CSMD3: variants seen among roughly 807,000 people sequenced by gnomAD.
CSMD3 encodes CUB and sushi domain-containing protein 3.
A neutral mutation model predicts 435.2 loss-of-function variants in CSMD3; 177 were observed. The ratio of observed to expected loss-of-function variants is 0.41; its 90% CI spans 0.36 to 0.46. CSMD3 has a LOEUF of 0.46. CSMD3 is among the 20% of genes least tolerant of loss of function. The pLI is 0.34. For synonymous variants in CSMD3, 1,656 were observed against 1,520.5 expected (o/e 1.09, Z -2.07); for missense variants, 4,265 against 4,504.6 (o/e 0.95, Z 1.52).
intron 13 of CSMD3, among the ~76,000 whole-genome samples, chr8:112,748,207 A>G (rs911902725): frequency 3.9e-5 from 6 of 152,210 alleles, no homozygotes; most frequent in Non-Finnish European, 5.9e-5. Flanking sequence ...GAAGCTAAGT[A>G]GGAAAAAATC....
intron 27 of CSMD3, among the ~76,000 whole-genome samples, chr8:112,535,500 C>A (rs1825983925): frequency 6.6e-6 from 1 of 151,494 alleles, no homozygotes; most frequent in South Asian, 2.1e-4. Flanking sequence ...AACTACAAAC[C>A]ACTGCTCAAT....
chr8:112,713,533 C>T (rs1159786216), intron 13 of CSMD3, among the ~76,000 whole-genome samples: 1 of 151,894 alleles, frequency 6.6e-6, no homozygotes, highest in Non-Finnish European at 1.5e-5. Context: ...CTTCCCCATC[C>T]TAGCAAGAGA....
intron 6 of CSMD3, among the ~76,000 whole-genome samples, chr8:113,009,499 C>T (rs1469297799): frequency 6.6e-6 from 1 of 151,590 alleles, no homozygotes; most frequent in Non-Finnish European, 1.5e-5. Context: ...TGGCCATTTC[C>T]TGCTACTAAA....
At chr8:113,105,268 TAAG>T (rs1235954945) in intron 4 of CSMD3, among the ~76,000 whole-genome samples, 2 of 151,990 alleles carry the variant, frequency 1.3e-5, no homozygotes, top group African/African-American at 2.4e-5. Context: ...GGAGAAAAAC[TAAG>T]AAGGAGAGCC....
At chr8:112,995,757 T>A (rs971920668) in intron 6 of CSMD3, among the ~76,000 whole-genome samples, 1 of 151,502 alleles carries the variant, frequency 6.6e-6, no homozygotes, top group African/African-American at 2.4e-5. Flanking sequence ...TCTATTAAGA[T>A]GATTTAACCT....
intron 10 of CSMD3, among the ~76,000 whole-genome samples, chr8:112,866,259 G>A (rs1464079337): frequency 1.3e-5 from 2 of 152,050 alleles, no homozygotes. Flanking sequence ...TTCCACTTGA[G>A]CAAATTCAAA....
At chr8:113,206,593 A>C (rs1351927168) in intron 3 of CSMD3, among the ~76,000 whole-genome samples, 1 of 152,050 alleles carries the variant, frequency 6.6e-6, no homozygotes, top group African/African-American at 2.4e-5. Flanking sequence ...ATCCATGTTA[A>C]TTGCCTAGTT....
At chr8:112,423,172 A>T (rs1812699309) in intron 32 of CSMD3, among the ~76,000 whole-genome samples, 1 of 152,148 alleles carries the variant, frequency 6.6e-6, no homozygotes, top group African/African-American at 2.4e-5. Flanking sequence ...AGTCTTAAAC[A>T]ATATCATCCA....
At chr8:112,427,487 C>T (rs777282060) in intron 32 of CSMD3, among the ~76,000 whole-genome samples, 1 of 152,156 alleles carries the variant, frequency 6.6e-6, no homozygotes, top group Non-Finnish European at 1.5e-5. Context: ...GACATGTTTG[C>T]TTCCCCTTCT....
intron 22 of CSMD3, among the ~76,000 whole-genome samples, chr8:112,634,752 T>A (rs1385051786): frequency 6.6e-6 from 1 of 151,934 alleles, no homozygotes; most frequent in Non-Finnish European, 1.5e-5. Flanking sequence ...GTAAACACTT[T>A]TTTTTTCAAC....
At chr8:113,035,382 C>T (rs974393009) in intron 5 of CSMD3, among the ~76,000 whole-genome samples, 1 of 151,904 alleles carries the variant, frequency 6.6e-6, no homozygotes, top group Non-Finnish European at 1.5e-5. Flanking sequence ...AGTGAAAGAT[C>T]CATATACTGT....
chr8:112,913,813 T>C (rs1392900267), intron 10 of CSMD3, among the ~76,000 whole-genome samples: 1 of 151,974 alleles, frequency 6.6e-6, no homozygotes, highest in Non-Finnish European at 1.5e-5. Flanking sequence ...TCTGTCCTTT[T>C]TGAATCCCTG....
At chr8:113,084,673 A>G (rs1469891742) in intron 5 of CSMD3, among the ~76,000 whole-genome samples, 5 of 151,578 alleles carry the variant, frequency 3.3e-5, no homozygotes, top group Non-Finnish European at 7.4e-5. Flanking sequence ...AAGAAAAAAG[A>G]AAAAAATCCA....
At chr8:113,370,587 C>T (rs2094341062) in intron 1 of CSMD3, among the ~76,000 whole-genome samples, 1 of 151,908 alleles carries the variant, frequency 6.6e-6, no homozygotes, top group African/African-American at 2.4e-5. Context: ...CAAGATATAT[C>T]CCCTGCACCC....
At chr8:112,694,452 C>T (rs1202063402) in intron 13 of CSMD3, among the ~76,000 whole-genome samples, 4 of 151,990 alleles carry the variant, frequency 2.6e-5, no homozygotes, top group Non-Finnish European at 4.4e-5. Context: ...TTTTTAAATA[C>T]GCTTTCTATT....
intron 23 of CSMD3, among the ~76,000 whole-genome samples, chr8:112,581,913 G>T (rs573454471): frequency 2.6e-5 from 4 of 152,030 alleles, no homozygotes; most frequent in African/African-American, 9.7e-5. Context: ...AGACCTGAAG[G>T]AAATGAGGGA....
At chr8:112,566,557 A>G (rs1355322037) in intron 24 of CSMD3, among the ~76,000 whole-genome samples, 1 of 152,108 alleles carries the variant, frequency 6.6e-6, no homozygotes, top group Non-Finnish European at 1.5e-5. Context: ...TTTCCTTTTA[A>G]TGAAAAGCGG....
chr8:112,364,003 C>T (rs1256883941), intron 38 of CSMD3, among the ~76,000 whole-genome samples: 1 of 151,614 alleles, frequency 6.6e-6, no homozygotes, highest in East Asian at 1.9e-4. Context: ...CCTGTTTTTC[C>T]CAAATAATCA....
At chr8:113,420,300 A>G (rs1026330559) in intron 1 of CSMD3, among the ~76,000 whole-genome samples, 2 of 152,164 alleles carry the variant, frequency 1.3e-5, no homozygotes, top group African/African-American at 2.4e-5. Flanking sequence ...ATATGCACTT[A>G]CTAAATGAAG....
Sources: gnomAD v4.1 joint callset for allele counts (sites outside exome capture counted in the v4.1 genomes callset) on GRCh38, gnomAD v4.1.1 for gene constraint, MANE v1.5 for transcripts, NCBI Gene and HGNC (gene_info 2026-07-23, HGNC 2026-07-21) for gene names.